RIMS1: variants seen among roughly 807,000 people sequenced by gnomAD.
RIMS1 encodes regulating synaptic membrane exocytosis 1.
Under a neutral mutation model 214.1 loss-of-function variants are expected in RIMS1, and 83 were observed. The observed-to-expected ratio is 0.39, with a 90% CI of 0.32 to 0.47. RIMS1 has a LOEUF of 0.47. RIMS1 is among the 20% of genes least tolerant of loss of function. RIMS1 has a pLI of 0.99. For synonymous variants in RIMS1, 793 were observed against 786.8 expected, an observed-to-expected ratio of 1.01 and a Z score of -0.13; for missense variants, 2,050 against 2,161.8, an observed-to-expected ratio of 0.95 and a Z score of 1.03.
intron 1 of RIMS1, among the ~76,000 whole-genome samples, chr6:71,903,610 A>G (rs1774391436): frequency 1.3e-5 from 2 of 152,296 alleles, no homozygotes; most frequent in African/African-American, 4.8e-5. Flanking sequence ...TCAATCTGAC[A>G]AAGGTCTAAT....
At chr6:71,903,416 G>A (rs770022709) in intron 1 of RIMS1, among the ~76,000 whole-genome samples, 6 of 152,068 alleles carry the variant, frequency 3.9e-5, no homozygotes, top group Admixed American at 6.6e-5. Context: ...GAAAATCTAG[G>A]CAATACCATT....
chr6:72,151,713 A>C (rs576684879), intron 4 of RIMS1, among the ~76,000 whole-genome samples: 10 of 152,252 alleles, frequency 6.6e-5, no homozygotes, highest in African/African-American at 1.9e-4. Context: ...TCTTTTCCTG[A>C]AATATGTCAT....
intron 16 of RIMS1, among the ~76,000 whole-genome samples, chr6:72,253,497 GACTT>G (rs2074372728): frequency 6.6e-6 from 1 of 152,192 alleles, no homozygotes; most frequent in Non-Finnish European, 1.5e-5. Context: ...AAGTGGTAAA[GACTT>G]ACTTTCTTGG....
chr6:72,174,022 C>G (rs1172130055), intron 4 of RIMS1, among the ~76,000 whole-genome samples: 5 of 151,986 alleles, frequency 3.3e-5, no homozygotes, highest in African/African-American at 4.8e-5. Context: ...TGTTTTAATT[C>G]TATTTCTCAC....
chr6:72,311,101 T>C lies in RIMS1; in HGVS notation c.3964-2405T>C, dbSNP rs79072637. 5.0e-3 allele frequency among the ~76,000 whole-genome samples: 769 copies of C among 152,290 alleles called. 4 individuals are homozygous for C. Among genetic ancestry groups the C allele is most frequent in the African/African-American group, 0.018 (733 of 41,576 alleles). ...ATGCTTTAGTGTACACTGCTTAATA[T>C]TGTCAAATATCAAATAAGGGGAGCA... On this transcript the variant is annotated intron_variant, in intron 27 of 33. Coordinates refer to ENST00000521978, the MANE Select transcript of RIMS1 (RefSeq NM_014989.7).
At chr6:72,103,909 A>G (rs2034197923) in intron 4 of RIMS1, among the ~76,000 whole-genome samples, 1 of 152,158 alleles carries the variant, frequency 6.6e-6, no homozygotes, top group Admixed American at 6.6e-5. Context: ...AACTTGTTTG[A>G]TATCTCCAAT....
At position 72,251,295 on chromosome 6, in the gene RIMS1, A is replaced by G. The variant is rs879440774; in HGVS notation, c.2625A>G (p.Leu875=). Residue 875 remains leucine, a synonymous_variant, in exon 15 of 34, where the codon CTA becomes CTG. Transcript: ENST00000521978. The stretch of plus-strand genomic sequence containing the variant: ...TTCAGACACATGATGAGTCTTCACT[A>G]CCTCTGCCTCAGCCATCACCTTTCA... The part of the protein sequence containing the change: ...YKLQTHDESS[L]PLPQPSPFMP... 6.3e-7 allele frequency: 1 copy of G among 1,599,432 alleles called. No individual in the cohort carries two copies.
At chr6:71,951,478 CTTTTTTT>C (rs71731452) in intron 1 of RIMS1, among the ~76,000 whole-genome samples, 1 of 128,858 alleles carries the variant, frequency 7.8e-6, no homozygotes, top group Non-Finnish European at 1.6e-5. Context: ...TTTTCTTTTT[CTTTTTTT>C]TTTTTTTTGT....
intron 29 of RIMS1, among the ~76,000 whole-genome samples, chr6:72,368,519 C>T (rs1046784509): frequency 1.3e-5 from 2 of 151,362 alleles, no homozygotes; most frequent in South Asian, 2.1e-4. Flanking sequence ...TGGTCTCGAT[C>T]TCCTGACCTT....
chr6:72,012,168 G>A (rs992068748), intron 2 of RIMS1, among the ~76,000 whole-genome samples: 5 of 152,080 alleles, frequency 3.3e-5, no homozygotes, highest in African/African-American at 2.4e-5. Context: ...TGATGAGTTC[G>A]TGTCCTTTGT....
At chr6:71,994,978 T>C (rs578156871) in intron 2 of RIMS1, among the ~76,000 whole-genome samples, 1 of 152,354 alleles carries the variant, frequency 6.6e-6, no homozygotes, top group African/African-American at 2.4e-5. Context: ...ATATTGCCTT[T>C]GTTAGAAAGA....
At chr6:72,389,340 T>G (rs1269061469) in intron 29 of RIMS1, among the ~76,000 whole-genome samples, 2 of 152,228 alleles carry the variant, frequency 1.3e-5, no homozygotes, top group African/African-American at 4.8e-5. Flanking sequence ...AATATACATA[T>G]ATTGTCTTTG....
intron 2 of RIMS1, among the ~76,000 whole-genome samples, chr6:72,092,117 A>G (rs537859477): frequency 6.6e-6 from 1 of 152,322 alleles, no homozygotes; most frequent in African/African-American, 2.4e-5. Context: ...ACAACATGAG[A>G]TATCAGAGTA....
chr6:72,380,435 C>T (rs764796453), intron 29 of RIMS1, among the ~76,000 whole-genome samples: 3 of 152,246 alleles, frequency 2.0e-5, no homozygotes, highest in South Asian at 4.1e-4. Context: ...GCATTTGCTT[C>T]TTTCTAGGCT....
intron 29 of RIMS1, among the ~76,000 whole-genome samples, chr6:72,363,787 A>G (rs2097902366): frequency 6.6e-6 from 1 of 152,238 alleles, no homozygotes; most frequent in South Asian, 2.1e-4. Flanking sequence ...AAATACAGGC[A>G]TTTCAGGCAT....
chr6:72,088,573 T>C (rs1033600630), intron 2 of RIMS1, among the ~76,000 whole-genome samples: 2 of 152,112 alleles, frequency 1.3e-5, no homozygotes, highest in African/African-American at 4.8e-5. Flanking sequence ...AAATTTCATG[T>C]TTGTTCTTGC....
chr6:72,303,438 T>C (rs1367706620), intron 26 of RIMS1, among the ~76,000 whole-genome samples: 1 of 151,184 alleles, frequency 6.6e-6, no homozygotes, highest in East Asian at 1.9e-4. Context: ...AGAGTAGTTA[T>C]TTTAATATCT....
chr6:72,183,098 T>A lies in RIMS1; in HGVS notation c.1627T>A (p.Tyr543Asn). 1 of 1,591,780 alleles carries A rather than the reference T, an allele frequency of 6.3e-7. No homozygotes were observed. Among genetic ancestry groups the A allele is most frequent in the Non-Finnish European group, 8.5e-7 (1 of 1,170,342 alleles). Reference sequence around the variant, plus strand: ...GGAGGAGGGCGTGTCGACGCCCGAGTACACCAGCTGCGAGGACGTGGAGCT... The same window carrying A: ...GGAGGAGGGCGTGTCGACGCCCGAGAACACCAGCTGCGAGGACGTGGAGCT... Reference protein sequence around the residue: ...SEEEGVSTPEYTSCEDVELES... With the variant: ...SEEEGVSTPENTSCEDVELES... Residue 543 changes from tyrosine (Y) to asparagine (N), a missense_variant, in exon 6 of 34, where the codon TAC (tyrosine) becomes AAC (asparagine). By Grantham distance (143) the Tyr-to-Asn change is moderately radical. Transcript: ENST00000521978.
At chr6:72,377,784 T>G (rs1055009850) in intron 29 of RIMS1, among the ~76,000 whole-genome samples, 1 of 152,228 alleles carries the variant, frequency 6.6e-6, no homozygotes, top group Non-Finnish European at 1.5e-5. Flanking sequence ...AACTAAAAGA[T>G]GTAAAGGAAT....
Sources: allele counts gnomAD v4.1 joint callset (sites outside exome capture counted in the v4.1 genomes callset), GRCh38; gene constraint gnomAD v4.1.1; transcripts MANE v1.5; gene names NCBI Gene and HGNC (gene_info 2026-07-23, HGNC 2026-07-21).